TFEC: variants seen among roughly 807,000 people sequenced by gnomAD.
TFEC encodes transcription factor EC.
Under a neutral mutation model 41.6 loss-of-function variants are expected in TFEC, and 31 were observed. The observed-to-expected ratio is 0.74, with a 90% CI of 0.56 to 1.01. TFEC has a LOEUF of 1.01. TFEC is among the 50% of genes least tolerant of loss of function. The pLI, the probability that TFEC is intolerant of heterozygous loss-of-function variation, is 0.00. For missense variants in TFEC, 402 were observed against 404.1 expected, an observed-to-expected ratio of 0.99 and a Z score of 0.04; for synonymous variants, 143 against 140.6, an observed-to-expected ratio of 1.02 and a Z score of -0.12.
At chr7:115,961,892 C>T (rs771808173) in intron 3 of TFEC, among the ~76,000 whole-genome samples, 3 of 151,520 alleles carry the variant, frequency 2.0e-5, no homozygotes, top group Admixed American at 6.6e-5. Context: ...ACTGTTGACA[C>T]GATCTCATAT....
chr7:115,939,963 C>A lies in TFEC; in HGVS notation c.*588G>T. The A allele has an allele frequency of 6.6e-6, 1 of 151,922 alleles. No homozygotes were observed. Among genetic ancestry groups the A allele is most frequent in the South Asian group, 2.1e-4 (1 of 4,822 alleles). The allele number at this position is 151,922 out of a possible 1,614,324, so 9.4% of individuals were successfully genotyped here. The stretch of plus-strand genomic sequence containing the variant: ...AGTAACCAATGTTTTTATAAGTTAT[C>A]CATATTTTATTGTGGAAAATTCTCA... On this transcript the variant is annotated 3_prime_UTR_variant, in exon 8 of 8. Transcript: ENST00000265440.
chr7:116,152,255 A>C (rs1264366535), intron 1 of TFEC, among the ~76,000 whole-genome samples: 1 of 152,244 alleles, frequency 6.6e-6, no homozygotes, highest in Non-Finnish European at 1.5e-5. Flanking sequence ...ATGGAACAAC[A>C]GGCACCACAG....
intron 1 of TFEC, among the ~76,000 whole-genome samples, chr7:115,992,563 A>G (rs1213299770): frequency 6.6e-6 from 1 of 152,244 alleles, no homozygotes; most frequent in Admixed American, 6.5e-5. Flanking sequence ...CTACCATCAG[A>G]GAATACTATA....
At chr7:115,946,764 G>A (rs530589562) in intron 6 of TFEC, among the ~76,000 whole-genome samples, 4 of 143,802 alleles carry the variant, frequency 2.8e-5, no homozygotes, top group African/African-American at 5.2e-5. Context: ...TTGAACTCCC[G>A]GCCTCAAACA....
intron 1 of TFEC, among the ~76,000 whole-genome samples, chr7:116,024,685 G>T (rs1330653772): frequency 6.6e-6 from 1 of 152,104 alleles, no homozygotes; most frequent in Non-Finnish European, 1.5e-5. Context: ...TAAAATGACT[G>T]CTACTCAAGC....
At chr7:116,128,181 C>T (rs1429821537) in intron 1 of TFEC, among the ~76,000 whole-genome samples, 4 of 152,042 alleles carry the variant, frequency 2.6e-5, no homozygotes, top group African/African-American at 7.2e-5. Context: ...CCAGGTTAAA[C>T]CACTCCCAGC....
chr7:116,129,586 C>T (rs574148081), intron 1 of TFEC, among the ~76,000 whole-genome samples: 24 of 106,878 alleles, frequency 2.2e-4, no homozygotes, highest in African/African-American at 6.5e-4. Flanking sequence ...AATATTCTTA[C>T]TTTTTTTTTT....
rs117078754 is a variant in TFEC at position 116,041,588 on chromosome 7, C to T, written c.199-57075G>A. On this transcript the variant is annotated intron_variant, in intron 3 of 8. Coordinates refer to the TFEC transcript ENST00000484212. ...GAGCTGGTTATTAGCAGTGACCACA[C>T]TGGTATATGTGAAAATCTGTGGCAA... Among the ~76,000 whole-genome samples the T allele has an allele frequency of 1.2e-4, 19 of 152,288 alleles. No individual in the cohort carries two copies. The East Asian group carries it at 1.9e-3, about 15-fold the overall frequency.
chr7:116,148,974 T>C (rs997641144), intron 1 of TFEC, among the ~76,000 whole-genome samples: 2 of 150,632 alleles, frequency 1.3e-5, no homozygotes, highest in South Asian at 2.1e-4. Context: ...GGTAAATGGA[T>C]CCAGAAAGAA....
At chr7:115,965,491 T>C (rs1792799552) in intron 3 of TFEC, among the ~76,000 whole-genome samples, 1 of 151,716 alleles carries the variant, frequency 6.6e-6, no homozygotes, top group Non-Finnish European at 1.5e-5. Context: ...TGCATTTGTC[T>C]CACATTTTAT....
intron 3 of TFEC, among the ~76,000 whole-genome samples, chr7:116,037,540 T>A (rs1584434329): frequency 6.6e-6 from 1 of 151,986 alleles, no homozygotes; most frequent in South Asian, 2.1e-4. Flanking sequence ...TATTCAAAAG[T>A]CAGATTTTAT....
At chr7:115,954,229 G>T (rs1055940664) in intron 5 of TFEC, among the ~76,000 whole-genome samples, 5 of 152,120 alleles carry the variant, frequency 3.3e-5, no homozygotes, top group Admixed American at 2.0e-4. Context: ...CTGGAGTTAT[G>T]TTTCTTATTA....
chr7:116,090,234 G>A (rs1584502743), intron 3 of TFEC, among the ~76,000 whole-genome samples: 3 of 152,190 alleles, frequency 2.0e-5, no homozygotes, highest in East Asian at 3.9e-4. Flanking sequence ...TTCAGCCTCT[G>A]GTTGGTTTCT....
At chr7:115,972,534 C>T (rs1584615628) in intron 3 of TFEC, among the ~76,000 whole-genome samples, 1 of 152,162 alleles carries the variant, frequency 6.6e-6, no homozygotes, top group East Asian at 1.9e-4. Flanking sequence ...GTGAATTGTG[C>T]CTCACTCAAC....
chr7:116,082,165 A>G (rs934507673), intron 3 of TFEC, among the ~76,000 whole-genome samples: 3 of 152,008 alleles, frequency 2.0e-5, no homozygotes, highest in Admixed American at 1.3e-4. Flanking sequence ...TGCTTATTCG[A>G]TATTTATAAA....
chr7:116,131,404 C>A (rs536134874), intron 1 of TFEC, among the ~76,000 whole-genome samples: 18 of 152,254 alleles, frequency 1.2e-4, no homozygotes, highest in Non-Finnish European at 1.9e-4. Flanking sequence ...AATTCATTAA[C>A]AATTCTATCA....
At chr7:116,156,137 T>A (rs1289798980) in intron 1 of TFEC, among the ~76,000 whole-genome samples, 1 of 152,186 alleles carries the variant, frequency 6.6e-6, no homozygotes, top group Non-Finnish European at 1.5e-5. Context: ...TAGCCTGTGC[T>A]GACAGCAGAG....
In TFEC at chr7:116,000,724, C is replaced by T. The variant is rs1001418403; in HGVS notation, c.-72-16211G>A. Among the ~76,000 whole-genome samples the T allele has an allele frequency of 8.6e-5, 13 of 151,886 alleles. No homozygotes were observed. In the Middle Eastern group the frequency reaches 0.01, roughly 119 times the overall value. On this transcript the variant is annotated intron_variant, in intron 1 of 7. Transcript: ENST00000265440. ...AATAGCTACAAATAAAATAAAATAC[C>T]TAGGAATTAACTTAACCAAAGAAGA... is the stretch of plus-strand genomic sequence containing the variant.
At chr7:116,098,754 A>T (rs1797529755) in intron 3 of TFEC, among the ~76,000 whole-genome samples, 1 of 152,166 alleles carries the variant, frequency 6.6e-6, no homozygotes, top group Non-Finnish European at 1.5e-5. Flanking sequence ...TTCAGAAAAT[A>T]TCATTTAAAT....
Sources: gnomAD v4.1 joint callset for allele counts (sites outside exome capture counted in the v4.1 genomes callset) on GRCh38, gnomAD v4.1.1 for gene constraint, MANE v1.5 for transcripts, NCBI Gene and HGNC (gene_info 2026-07-23, HGNC 2026-07-21) for gene names.